The following KIF24 variants were observed in gnomAD, a reference collection of about 807,000 sequenced individuals.
KIF24 encodes the protein kinesin family member 24.
KIF24 carries 81 observed loss-of-function variants against 118.9 expected under a neutral mutation model. The ratio of observed to expected loss-of-function variants is 0.68; its 90% CI spans 0.57 to 0.82. KIF24 has a LOEUF of 0.82. Ranked by LOEUF, KIF24 falls within the 40% of genes least tolerant of loss-of-function variation. KIF24 has a pLI of 0.00. For missense variants in KIF24, 1,560 were observed against 1,661.6 expected, an observed-to-expected ratio of 0.94 and a Z score of 1.06; for synonymous variants, 599 against 610.0, an observed-to-expected ratio of 0.98 and a Z score of 0.27.
At chr9:34,326,208 T>G (rs976932736) in intron 1 of KIF24, among the ~76,000 whole-genome samples, 5 of 152,060 alleles carry the variant, frequency 3.3e-5, no homozygotes, top group Non-Finnish European at 4.4e-5. Flanking sequence ...CAAAATTAGC[T>G]GGGCATGGTG....
chr9:34,282,889 T>C (rs1305457235), intron 6 of KIF24, among the ~76,000 whole-genome samples: 2 of 151,384 alleles, frequency 1.3e-5, no homozygotes, highest in Non-Finnish European at 2.9e-5. Context: ...CCGTCTCTAC[T>C]AAAAATACAA....
rs545075228 is a variant in KIF24 at position 34,299,653 on chromosome 9, C to T, written c.814-2539G>A. Reference sequence around the variant, plus strand: ...ACCCCAATTGCCTTCATGGAGGAAACAGGATTAGAGGGACACTTGTATTTT... The same window carrying T: ...ACCCCAATTGCCTTCATGGAGGAAATAGGATTAGAGGGACACTTGTATTTT... On this transcript the variant is annotated intron_variant, in intron 3 of 12. Coordinates refer to ENST00000402558, the MANE Select transcript of KIF24 (RefSeq NM_194313.4). Among the ~76,000 whole-genome samples, 320 of 151,960 alleles carry T rather than the reference C, an allele frequency of 2.1e-3. 1 individual carries two copies. Among genetic ancestry groups the T allele is most frequent in the Non-Finnish European group, 3.7e-3 (252 of 67,972 alleles).
At chr9:34,291,524 G>A (rs1156557393) in intron 4 of KIF24, among the ~76,000 whole-genome samples, 1 of 152,190 alleles carries the variant, frequency 6.6e-6, no homozygotes, top group Non-Finnish European at 1.5e-5. Context: ...GATTCTAAGT[G>A]AGAATCATTG....
rs1406605873 is a variant in KIF24 at position 34,255,632 on chromosome 9, G to GCGTA, written c.3872+99_3872+102dup. 24 of 1,034,502 alleles carry GCGTA rather than the reference G, an allele frequency of 2.3e-5. No homozygotes were observed. In the East Asian group the frequency reaches 5.7e-4, roughly 25 times the overall value. 64.1% of individuals were successfully genotyped at this position (1,034,502 alleles called of 1,614,324 possible). A position where few individuals can be genotyped will look rare whatever the true frequency, so the allele number is the denominator to read the frequency against. On this transcript the variant is annotated intron_variant, in intron 11 of 12. Transcript: ENST00000402558. ...GAGCTAGAAGCAGACTAGCTCACCT[G>GCGTA]CGTACCCCTGCATGGCTTCTCTTTG...
At chr9:34,294,585 C>G (rs1836391791) in intron 4 of KIF24, among the ~76,000 whole-genome samples, 2 of 152,192 alleles carry the variant, frequency 1.3e-5, no homozygotes, top group South Asian at 4.1e-4. Context: ...TTCATAAAGT[C>G]CAAAGCCGGA....
intron 12 of KIF24, 30 bp from the exon 13 acceptor site, chr9:34,254,550 T>C (rs1441205550): frequency 6.2e-7 from 1 of 1,605,922 alleles, no homozygotes; most frequent in East Asian, 2.2e-5. Flanking sequence ...CGAATACAGC[T>C]TTTGCTCTTG....
upstream of KIF24, among the ~76,000 whole-genome samples, chr9:34,330,523 CACTT>C (rs34807436): frequency 0.2 from 31,191 of 152,166 alleles, 3,775 homozygotes; most frequent in Non-Finnish European, 0.27. Context: ...ACATTTGAGT[CACTT>C]ACCCAGACAT....
intron 6 of KIF24, among the ~76,000 whole-genome samples, chr9:34,273,722 G>A (rs200416258): frequency 0.44 from 8 of 18 alleles, 2 homozygotes; most frequent in Non-Finnish European, 0.5. Flanking sequence ...GAATTCTCTG[G>A]AGAAACCCTC....
intron 9 of KIF24, among the ~76,000 whole-genome samples, chr9:34,261,262 T>C (rs914089609): frequency 6.6e-6 from 1 of 152,090 alleles, no homozygotes; most frequent in Non-Finnish European, 1.5e-5. Flanking sequence ...TTGTCTGTCT[T>C]CCACTGTGCA....
chr9:34,267,244 A>G (rs1293899394), intron 8 of KIF24, among the ~76,000 whole-genome samples: 1 of 152,120 alleles, frequency 6.6e-6, no homozygotes, highest in African/African-American at 2.4e-5. Context: ...GCATGTCCTT[A>G]ACAGAGACTA....
intron 9 of KIF24, among the ~76,000 whole-genome samples, chr9:34,262,836 G>A (rs1212022544): frequency 1.3e-5 from 2 of 150,366 alleles, no homozygotes; most frequent in African/African-American, 2.5e-5. Context: ...ACTCTAGCCT[G>A]GGTGACAGAG....
chr9:34,327,184 G>T (rs1041431237), intron 1 of KIF24, among the ~76,000 whole-genome samples: 4 of 152,014 alleles, frequency 2.6e-5, no homozygotes, highest in African/African-American at 4.8e-5. Flanking sequence ...TTAAGAAGTA[G>T]AACTCTATTA....
intron 10 of KIF24, 130 bp from the exon 11 acceptor site, chr9:34,258,111 T>C (rs1478144849): frequency 2.8e-6 from 2 of 716,126 alleles, no homozygotes; most frequent in East Asian, 5.1e-5. Flanking sequence ...TTATCTGGGA[T>C]AGAATAAGAG....
At chr9:34,326,594 G>C (rs1355151853) in intron 1 of KIF24, among the ~76,000 whole-genome samples, 1 of 152,154 alleles carries the variant, frequency 6.6e-6, no homozygotes, top group Non-Finnish European at 1.5e-5. Context: ...TAAAAATCAG[G>C]AGGAAGAGGG....
In KIF24 at chr9:34,253,545, G is replaced by A. The variant is rs1459412799; in HGVS notation, c.*835C>T. On this transcript the variant is annotated 3_prime_UTR_variant, in exon 13 of 13. Coordinates refer to ENST00000402558, the MANE Select transcript of KIF24 (RefSeq NM_194313.4). Reference sequence around the variant, plus strand: ...GCAGGGTGAACTGGATGAAGGCCAGGCTAGGAGATGGACTATTCCATGAGG... The same window carrying A: ...GCAGGGTGAACTGGATGAAGGCCAGACTAGGAGATGGACTATTCCATGAGG... The A allele has an allele frequency of 2.6e-5, 4 of 152,386 alleles. No homozygotes were observed. The highest frequency in any genetic ancestry group is 4.8e-5 in the African/African-American group (2 of 41,442). The allele number at this position is 152,386 out of a possible 1,614,324, so 9.4% of individuals were successfully genotyped here. A position where few individuals can be genotyped will look rare whatever the true frequency, so the allele number is the denominator to read the frequency against.
chr9:34,300,083 CCATTA>C (rs906919715), intron 3 of KIF24, among the ~76,000 whole-genome samples: 13 of 152,028 alleles, frequency 8.6e-5, no homozygotes, highest in Admixed American at 2.0e-4. Context: ...GTTGTGTGTA[CCATTA>C]CATTACATTA....
At chr9:34,325,350 A>AG (rs1837641087) in intron 1 of KIF24, among the ~76,000 whole-genome samples, 1 of 150,206 alleles carries the variant, frequency 6.7e-6, no homozygotes, top group Non-Finnish European at 1.5e-5. Context: ...GTCTCAAAAA[A>AG]AAAAAAAAAG....
intron 4 of KIF24, among the ~76,000 whole-genome samples, chr9:34,293,676 T>C (rs976748797): frequency 2.0e-5 from 3 of 151,962 alleles, no homozygotes; most frequent in African/African-American, 7.3e-5. Context: ...CTCGGGAGGC[T>C]GAGGCAGGAG....
At chr9:34,317,973 C>G (rs568992608) in intron 1 of KIF24, among the ~76,000 whole-genome samples, 1 of 152,042 alleles carries the variant, frequency 6.6e-6, no homozygotes, top group Admixed American at 6.5e-5. Flanking sequence ...ACTACCATAC[C>G]CTTAAAATCT....
Sources: gnomAD v4.1 joint callset for allele counts (sites outside exome capture counted in the v4.1 genomes callset) on GRCh38, gnomAD v4.1.1 for gene constraint, MANE v1.5 for transcripts, NCBI Gene and HGNC (gene_info 2026-07-23, HGNC 2026-07-21) for gene names.